DCUN1D1: variants seen among roughly 807,000 people sequenced by gnomAD.
The protein encoded by DCUN1D1 is defective in cullin neddylation 1 domain containing 1.
DCUN1D1 carries 3 observed loss-of-function variants against 39.0 expected under a neutral mutation model. That is an observed-to-expected ratio of 0.08 (90% CI 0.04 to 0.20). The LOEUF is 0.20. Among genes scored for constraint, DCUN1D1 ranks in the 10% least tolerant of loss-of-function variants. DCUN1D1 has a pLI of 1.00. For missense variants in DCUN1D1, 158 were observed against 302.4 expected, an observed-to-expected ratio of 0.52 and a Z score of 3.54; for synonymous variants, 82 against 96.3, an observed-to-expected ratio of 0.85 and a Z score of 0.87.
chr3:182,962,874 G>A (rs553981534), intron 3 of DCUN1D1, among the ~76,000 whole-genome samples: 17 of 152,138 alleles, frequency 1.1e-4, no homozygotes, highest in Admixed American at 2.6e-4. Context: ...TCCGCCTCCC[G>A]GGTTCAAGCG....
intron 1 of DCUN1D1, among the ~76,000 whole-genome samples, chr3:182,971,617 A>T (rs1176282172): frequency 1.3e-5 from 2 of 151,988 alleles, no homozygotes; most frequent in Non-Finnish European, 2.9e-5. Context: ...AAAAAAATTT[A>T]AATGGTAAAC....
intron 1 of DCUN1D1, among the ~76,000 whole-genome samples, chr3:182,969,047 C>T (rs988420136): frequency 6.6e-6 from 1 of 152,212 alleles, no homozygotes; most frequent in African/African-American, 2.4e-5. Context: ...AGTACGGACT[C>T]CAGCTAAGCC....
intron 3 of DCUN1D1, among the ~76,000 whole-genome samples, chr3:182,962,787 T>A (rs1727467348): frequency 1.3e-5 from 2 of 152,212 alleles, no homozygotes; most frequent in Admixed American, 1.3e-4. Context: ...TGTTTTGTTG[T>A]TGTTGTTTTT....
chr3:182,961,096 A>G (rs1204015393), intron 4 of DCUN1D1, 130 bp downstream of exon 4: 11 of 683,652 alleles, frequency 1.6e-5, no homozygotes, highest in Non-Finnish European at 2.6e-5. Flanking sequence ...TCCTGTTTCT[A>G]ATTACTTTTC....
Position 182,967,157 on chromosome 3 carries a change from TA to T in DCUN1D1, c.4-1405del, listed in dbSNP as rs1727714266. On this transcript the variant is annotated intron_variant, in intron 1 of 6. Coordinates refer to ENST00000292782, the MANE Select transcript of DCUN1D1 (RefSeq NM_020640.4). ...ATATATATATATATATATATATATA[TA>T]TTTTCTGTGGTTTAAGCAACACATT... Among the ~76,000 whole-genome samples the T allele has an allele frequency of 3.6e-5, 5 of 138,460 alleles. No individual in the cohort carries two copies. In the South Asian group the frequency reaches 8.8e-4, roughly 24 times the overall value. The allele number at this position is 138,460 out of a possible 152,430, so 90.8% of individuals were successfully genotyped here.
At chr3:182,973,688 C>T (rs906007608) in intron 1 of DCUN1D1, among the ~76,000 whole-genome samples, 4 of 150,758 alleles carry the variant, frequency 2.7e-5, no homozygotes, top group African/African-American at 9.8e-5. Flanking sequence ...GCGCCTGTAA[C>T]CCCAGCTACT....
At chr3:182,952,978 A>C (rs1168350729) in intron 4 of DCUN1D1, among the ~76,000 whole-genome samples, 3 of 152,154 alleles carry the variant, frequency 2.0e-5, no homozygotes, top group Non-Finnish European at 4.4e-5. Flanking sequence ...AAATTCTTCA[A>C]TCATTTCCAA....
At chr3:182,984,784 A>T (rs373986921), upstream of DCUN1D1, among the ~76,000 whole-genome samples, 4 of 152,264 alleles carry the variant, frequency 2.6e-5, no homozygotes, top group East Asian at 3.8e-4. Flanking sequence ...AAAAGTAAAG[A>T]TTTCATACTT....
chr3:182,975,158 A>T (rs866005028), intron 1 of DCUN1D1, among the ~76,000 whole-genome samples: 15 of 152,022 alleles, frequency 9.9e-5, no homozygotes, highest in South Asian at 4.2e-4. Flanking sequence ...AAACTTTTTT[A>T]AAAAAATTAA....
chr3:182,956,702 A>G (rs1326452373), intron 4 of DCUN1D1, among the ~76,000 whole-genome samples: 1 of 152,262 alleles, frequency 6.6e-6, no homozygotes, highest in Non-Finnish European at 1.5e-5. Flanking sequence ...TTGTAGAGGT[A>G]TAAGATTCCA....
chr3:182,975,228 G>C (rs1266100379), intron 1 of DCUN1D1, among the ~76,000 whole-genome samples: 6 of 149,882 alleles, frequency 4.0e-5, no homozygotes, highest in South Asian at 4.2e-4. Flanking sequence ...CCAGGCTGGA[G>C]TGCAGTGGTG....
chr3:182,953,475 C>T (rs371375706), intron 4 of DCUN1D1, among the ~76,000 whole-genome samples: 1 of 152,220 alleles, frequency 6.6e-6, no homozygotes, highest in South Asian at 2.1e-4. Context: ...CCTACTCTAC[C>T]ACCAGTTAAG....
At chr3:182,972,072 T>G (rs73883988) in intron 1 of DCUN1D1, among the ~76,000 whole-genome samples, 78 of 144,100 alleles carry the variant, frequency 5.4e-4, no homozygotes, top group African/African-American at 1.9e-3. Flanking sequence ...TTTTTTTTTT[T>G]GGTTGGGGGT....
At chr3:182,958,054 T>C (rs1374134111) in intron 4 of DCUN1D1, among the ~76,000 whole-genome samples, 1 of 152,120 alleles carries the variant, frequency 6.6e-6, no homozygotes, top group African/African-American at 2.4e-5. Context: ...CCAATTTGTT[T>C]TGGGCCTTAC....
At chr3:182,948,797 C>T (rs1726549671) in intron 4 of DCUN1D1, among the ~76,000 whole-genome samples, 1 of 152,128 alleles carries the variant, frequency 6.6e-6, no homozygotes, top group African/African-American at 2.4e-5. Context: ...CACCTGTAAT[C>T]CCAGCACTTT....
chr3:182,972,649 G>A (rs767228961), intron 1 of DCUN1D1, among the ~76,000 whole-genome samples: 55 of 152,212 alleles, frequency 3.6e-4, no homozygotes, highest in Non-Finnish European at 6.0e-4. Flanking sequence ...ACTGAGGCAG[G>A]AGGGTCACTT....
At chr3:182,979,645 A>T (rs536049947) in intron 1 of DCUN1D1, among the ~76,000 whole-genome samples, 34 of 143,282 alleles carry the variant, frequency 2.4e-4, no homozygotes, top group African/African-American at 8.2e-4. Context: ...AAACTGTTTT[A>T]AAAAAAATCA....
rs1207096526 is a variant in DCUN1D1 at position 182,980,513 on chromosome 3, C to T, written c.-24G>A. 6 of 1,238,502 alleles carry T rather than the reference C, an allele frequency of 4.8e-6. No individual in the cohort carries two copies. Among genetic ancestry groups the T allele is most frequent in the Non-Finnish European group, 6.2e-6 (6 of 971,484 alleles). The allele number at this position is 1,238,502 out of a possible 1,614,324, so 76.7% of individuals were successfully genotyped here. On this transcript the variant is annotated 5_prime_UTR_variant, in exon 1 of 7. Coordinates refer to ENST00000292782, the MANE Select transcript of DCUN1D1 (RefSeq NM_020640.4). ...ATGTTGGTGTCCTCCAGGCCTCTCC[C>T]CTCCTCCTCCGGCTCCGCAGCGAAT...
rs1401666399 is a variant in DCUN1D1 at position 182,942,000 on chromosome 3, C to T, written c.*3094G>A. ...ATAAAAAATAAATGAACACTTCATT[C>T]ATTTAAGTCTGAGGAAAAAATAGTG... On this transcript the variant is annotated 3_prime_UTR_variant, in exon 7 of 7. Transcript: ENST00000292782. 6.6e-6 allele frequency: 1 copy of T among 152,052 alleles called. No homozygotes were observed. The highest frequency in any genetic ancestry group is 1.5e-5 in the Non-Finnish European group (1 of 67,942). The allele number at this position is 152,052 out of a possible 1,614,324, so 9.4% of individuals were successfully genotyped here. A position where few individuals can be genotyped will look rare whatever the true frequency, so the allele number is the denominator to read the frequency against.
Sources: gnomAD v4.1 joint callset for allele counts (sites outside exome capture counted in the v4.1 genomes callset) on GRCh38, gnomAD v4.1.1 for gene constraint, MANE v1.5 for transcripts, NCBI Gene and HGNC (gene_info 2026-07-23, HGNC 2026-07-21) for gene names.